Variants in FGF22 observed in about 807,000 individuals in gnomAD.
FGF22 encodes fibroblast growth factor 22.
FGF22 carries 11 observed loss-of-function variants against 10.3 expected under a neutral mutation model. The ratio of observed to expected loss-of-function variants is 1.07; its 90% CI spans 0.67 to 1.77. The LOEUF is 1.77. Ranked by LOEUF, FGF22 falls within the 40% of genes most tolerant of loss-of-function variation. The pLI is 0.00. For synonymous variants in FGF22, 136 were observed against 122.1 expected (o/e 1.11, Z -0.75); for missense variants, 317 against 273.2 (o/e 1.16, Z -1.13).
Position 643,223 on chromosome 19 carries a change from C to A in FGF22, c.215-12C>A. On this transcript the variant is annotated splice_polypyrimidine_tract_variant and intron_variant, in intron 1 of 2. Transcript: ENST00000215530. ...AGCCAGCAAGGCCCTCCCCGACCCCCGCCTCCCCCAGGCATCCTGGAGATC... is the reference window on the plus strand; with the variant it reads ...AGCCAGCAAGGCCCTCCCCGACCCCAGCCTCCCCCAGGCATCCTGGAGATC... 6.5e-7 allele frequency: 1 copy of A among 1,543,558 alleles called. No homozygotes were observed. The highest frequency in any genetic ancestry group is 2.4e-5 in the East Asian group (1 of 41,286).
At chr19:643,525 G>A (rs1228406503) in exon 3 of FGF22, 2 of 1,605,908 alleles carry the variant, frequency 1.2e-6, no homozygotes, top group Non-Finnish European at 1.7e-6. Context: ...GCGCTGGACA[G>A]GAGGGGGGGG....
chr19:643,553 GACGCGGCGGT>G lies in FGF22; in HGVS notation c.465_474del (p.Arg156ThrfsTer66). ...GGGGGGGGCCCCGGCCAGGCGGCCG[GACGCGGCGGT>G]ACCACCTGTCCGCCCACTTCCTGCC... On this transcript the variant is annotated frameshift_variant, in exon 3 of 3. Coordinates refer to ENST00000215530, the Ensembl canonical transcript of FGF22. LOFTEE classifies it high-confidence loss of function. 1 of 1,589,334 alleles carries G rather than the reference GACGCGGCGGT, an allele frequency of 6.3e-7. No homozygotes were observed. The highest frequency in any genetic ancestry group is 8.5e-7 in the Non-Finnish European group (1 of 1,171,490).
chr19:643,485 T>A, exon 3 of FGF22: 1 of 1,611,068 alleles, frequency 6.2e-7, no homozygotes, highest in East Asian at 2.2e-5. Flanking sequence ...CTCACAGCGC[T>A]GGCGCCGCCG....
chr19:642,019 A>G (rs1985918179), intron 1 of FGF22, among the ~76,000 whole-genome samples: 1 of 152,164 alleles, frequency 6.6e-6, no homozygotes, highest in Non-Finnish European at 1.5e-5. Context: ...CCAGGCCTCA[A>G]CTGGCCCCTC....
At chr19:641,831 G>A (rs1286790117) in intron 1 of FGF22, among the ~76,000 whole-genome samples, 6 of 152,142 alleles carry the variant, frequency 3.9e-5, no homozygotes, top group Non-Finnish European at 7.4e-5. Context: ...GGGCACGCAG[G>A]GAACTGTACA....
rs11572889 is a variant in FGF22 at position 643,568 on chromosome 19, C to T, written c.477C>T (p.His159=). The change falls in exon 3 of 3, where the codon CAC becomes CAT. Residue 159 remains histidine, a synonymous_variant. Transcript: ENST00000215530. ...CAGGCGGCCGGACGCGGCGGTACCA[C>T]CTGTCCGCCCACTTCCTGCCCGTCC... 8.5e-3 allele frequency: 13,404 copies of T among 1,571,928 alleles called. 78 individuals carry two copies. The highest frequency in any genetic ancestry group is 0.01 in the Non-Finnish European group (11,904 of 1,164,206).
At chr19:640,277 C>T in intron 1 of FGF22, 138 bp downstream of exon 1, 1 of 500,762 alleles carries the variant, frequency 2.0e-6, no homozygotes. Flanking sequence ...TTTCCGTGGT[C>T]TGTGAGATGG....
rs11572878 is a variant in FGF22 at position 642,851 on chromosome 19, C to T, written c.215-384C>T. Among the ~76,000 whole-genome samples, 1,135 of 151,646 alleles carry T rather than the reference C, an allele frequency of 7.5e-3. 9 individuals carry two copies. The highest frequency in any genetic ancestry group is 0.013 in the Non-Finnish European group (859 of 67,910). On this transcript the variant is annotated intron_variant, in intron 1 of 2. Transcript: ENST00000215530. ...CCTCGTGGTGTTGCTGCCCCCCTGA[C>T]GTCCGTCCCTCTGGGTGTGTGGGAG... is the stretch of plus-strand genomic sequence containing the variant.
chr19:643,417 A>G (rs1293894631), exon 3 of FGF22: 1 of 1,610,998 alleles, frequency 6.2e-7, no homozygotes, highest in Middle Eastern at 1.7e-4. Context: ...CAGCGACTCT[A>G]CACCGTGGAC....
intron 1 of FGF22, chr19:640,425 C>T (rs931815030): frequency 3.3e-6 from 1 of 306,630 alleles, no homozygotes; most frequent in Non-Finnish European, 6.0e-6. Flanking sequence ...AACTGAGGCT[C>T]CAGAGGGGCT....
At chr19:643,753 G>A (rs1049459837) in exon 3 of FGF22, 2 of 690,076 alleles carry the variant, frequency 2.9e-6, no homozygotes, top group Non-Finnish European at 4.7e-6. Context: ...CTCCAGGGGG[G>A]TCCCAGCCTG....
chr19:640,043 G>C, exon 1 of FGF22: 1 of 1,409,088 alleles, frequency 7.1e-7, no homozygotes. Context: ...GGAGGGCGAC[G>C]TGCGCTGGCG....
intron 2 of FGF22, 25 bp from the exon 3 acceptor site, chr19:643,385 G>C: frequency 6.4e-7 from 1 of 1,555,378 alleles, no homozygotes; most frequent in Non-Finnish European, 8.8e-7. Context: ...TGGGGAGGGT[G>C]GGCCGGCCTC....
chr19:641,954 G>A (rs1985915498), intron 1 of FGF22, among the ~76,000 whole-genome samples: 1 of 152,162 alleles, frequency 6.6e-6, no homozygotes, highest in African/African-American at 2.4e-5. Context: ...GGGTGGGGCA[G>A]GGCTCACCCA....
At chr19:641,219 G>T (rs922306559) in intron 1 of FGF22, 3 of 456,380 alleles carry the variant, frequency 6.6e-6, no homozygotes, top group Non-Finnish European at 1.3e-5. Flanking sequence ...CCCTCCTGGG[G>T]CTCCCAGAGC....
chr19:641,574 CAAA>C (rs68071125), intron 1 of FGF22: 574 of 94,266 alleles, frequency 6.1e-3, no homozygotes, highest in South Asian at 0.021. Flanking sequence ...GACTCCGTCT[CAAA>C]AAAAAAAAAA....
exon 1 of FGF22, chr19:639,909 G>A: frequency 1.7e-6 from 2 of 1,210,710 alleles, no homozygotes; most frequent in Non-Finnish European, 2.1e-6. Flanking sequence ...AGCGCGCAGC[G>A]AACCGGGTGC....
intron 1 of FGF22, among the ~76,000 whole-genome samples, chr19:642,912 G>A (rs1440626472): frequency 6.6e-6 from 1 of 152,034 alleles, no homozygotes; most frequent in Non-Finnish European, 1.5e-5. Context: ...TGCTGCTCTT[G>A]GGCTGAGCTG....
At position 641,341 on chromosome 19, in the gene FGF22, C is replaced by T. The variant is rs540739429; in HGVS notation, c.214+1202C>T. ...TCGGTAATCCCAGCACTTTGGGAGG[C>T]CGAGGCGGGCAGATCACGAGGTCAG... is the stretch of plus-strand genomic sequence containing the variant. On this transcript the variant is annotated intron_variant, in intron 1 of 2. Transcript: ENST00000215530. 2.9e-5 allele frequency: 13 copies of T among 444,942 alleles called. No individual in the cohort carries two copies. In the East Asian group the frequency reaches 9.2e-4, roughly 32 times the overall value. The allele number at this position is 444,942 out of a possible 1,614,324, so 27.6% of individuals were successfully genotyped here.
Sources: gnomAD v4.1 joint callset for allele counts (sites outside exome capture counted in the v4.1 genomes callset) on GRCh38, gnomAD v4.1.1 for gene constraint, MANE v1.5 for transcripts, NCBI Gene and HGNC (gene_info 2026-07-23, HGNC 2026-07-21) for gene names.